Variants in IL15 observed in about 807,000 individuals in gnomAD.
IL15 encodes the protein interleukin-15.
In IL15, 11 loss-of-function variants were observed where a neutral mutation model predicts 19.6. The observed-to-expected ratio is 0.56, with a 90% CI of 0.35 to 0.93. IL15 has a LOEUF of 0.93. Among genes scored for constraint, IL15 ranks in the 40% least tolerant of loss-of-function variants. The pLI is 0.01. For missense variants in IL15, 197 were observed against 186.5 expected, an observed-to-expected ratio of 1.06 and a Z score of -0.33; for synonymous variants, 58 against 59.6, an observed-to-expected ratio of 0.97 and a Z score of 0.12.
intron 5 of IL15, among the ~76,000 whole-genome samples, chr4:141,725,686 T>C (rs1157692688): frequency 6.6e-6 from 1 of 152,158 alleles, no homozygotes; most frequent in African/African-American, 2.4e-5. Context: ...TCAAAAAGTC[T>C]AGAGCTACCA....
chr4:141,670,139 G>A (rs1728123346), intron 2 of IL15, among the ~76,000 whole-genome samples: 1 of 151,338 alleles, frequency 6.6e-6, no homozygotes, highest in South Asian at 2.1e-4. Flanking sequence ...ATGTTGATTA[G>A]GATTTAAGAA....
At chr4:141,732,638 C>T (rs1352150670) in intron 7 of IL15, 100 bp from the exon 8 acceptor site, 3 of 1,461,190 alleles carry the variant, frequency 2.1e-6, no homozygotes, top group Non-Finnish European at 2.8e-6. Context: ...TATCTCAAGA[C>T]CTCACCATAT....
At chr4:141,701,285 G>GC (rs1560927081) in intron 2 of IL15, among the ~76,000 whole-genome samples, 4 of 143,858 alleles carry the variant, frequency 2.8e-5, no homozygotes, top group African/African-American at 1.0e-4. Flanking sequence ...TGGGACTGAG[G>GC]TTTTTTTTTT....
intron 2 of IL15, among the ~76,000 whole-genome samples, chr4:141,703,599 A>C (rs1038171563): frequency 2.0e-5 from 3 of 152,054 alleles, no homozygotes; most frequent in South Asian, 2.1e-4. Flanking sequence ...TCCCCGTCTC[A>C]TACTCTGGGA....
Position 141,647,283 on chromosome 4 carries a change from C to T in IL15, c.-221-8903C>T, listed in dbSNP as rs534760726. Among the ~76,000 whole-genome samples the T allele has an allele frequency of 2.3e-4, 35 of 152,114 alleles. 1 individual carries two copies. In the South Asian group the frequency reaches 6.8e-3, roughly 30 times the overall value. On this transcript the variant is annotated intron_variant, in intron 1 of 7. Transcript: ENST00000320650. ...ACATGTTAGGAACAGATATATATTA[C>T]AGCTAACACATGGGGCAAGGTAGGG...
At chr4:141,665,508 T>C (rs1411114614) in intron 2 of IL15, among the ~76,000 whole-genome samples, 1 of 152,170 alleles carries the variant, frequency 6.6e-6, no homozygotes, top group African/African-American at 2.4e-5. Context: ...AACTTACGGA[T>C]CATAGTGTCA....
chr4:141,723,635 G>C (rs1458927378), intron 5 of IL15, among the ~76,000 whole-genome samples: 1 of 152,148 alleles, frequency 6.6e-6, no homozygotes, highest in Non-Finnish European at 1.5e-5. Flanking sequence ...AGCAGCTCTA[G>C]ACTGATACAC....
chr4:141,720,602 C>A, intron 4 of IL15, 36 bp downstream of exon 4: 1 of 1,035,796 alleles, frequency 9.7e-7, no homozygotes, highest in Non-Finnish European at 1.5e-6. Context: ...ACATTATGTT[C>A]ATGGTCATGA....
intron 2 of IL15, among the ~76,000 whole-genome samples, chr4:141,681,033 C>T (rs969180180): frequency 9.2e-5 from 14 of 152,162 alleles, no homozygotes; most frequent in African/African-American, 3.4e-4. Context: ...TGTATCCTTA[C>T]CTGCTGACGT....
rs527255178 is a variant in IL15 at position 141,636,765 on chromosome 4, C to T, written c.-222+17C>T. 1 of 152,196 alleles carries T rather than the reference C, an allele frequency of 6.6e-6. No individual in the cohort carries two copies. Among genetic ancestry groups the T allele is most frequent in the South Asian group, 2.1e-4 (1 of 4,802 alleles). The allele number at this position is 152,196 out of a possible 1,614,324, so 9.4% of individuals were successfully genotyped here. ...TCGATGGAGGTACAGAGCTCGGCTT[C>T]TTTGCCTTGGGAGGGGAGTGGTGGT... is the stretch of plus-strand genomic sequence containing the variant. On this transcript the variant is annotated intron_variant, in intron 1 of 7. Transcript: ENST00000320650.
At position 141,695,684 on chromosome 4, in the gene IL15, C is replaced by A. The variant is rs192310146; in HGVS notation, c.-99-23682C>A. ...TTTCTCTAATGGCTGTGCTAGTTAACAATCTAACCAACAGTGCATAAGTTG... is the reference window on the plus strand; with the variant it reads ...TTTCTCTAATGGCTGTGCTAGTTAAAAATCTAACCAACAGTGCATAAGTTG... On this transcript the variant is annotated intron_variant, in intron 2 of 7. Transcript: ENST00000320650. Among the ~76,000 whole-genome samples, 512 of 152,202 alleles carry A rather than the reference C, an allele frequency of 3.4e-3. 1 individual carries two copies. Among genetic ancestry groups the A allele is most frequent in the Middle Eastern group, 6.8e-3 (2 of 294 alleles).
chr4:141,665,865 C>T (rs1727954059), intron 2 of IL15, among the ~76,000 whole-genome samples: 1 of 152,010 alleles, frequency 6.6e-6, no homozygotes, highest in South Asian at 2.1e-4. Flanking sequence ...TCTCATAACT[C>T]CCATAGACCT....
At chr4:141,662,200 G>T (rs1727814426) in intron 2 of IL15, among the ~76,000 whole-genome samples, 1 of 152,356 alleles carries the variant, frequency 6.6e-6, no homozygotes, top group South Asian at 2.1e-4. Context: ...GCACCTTAGA[G>T]AACAGGTAGG....
chr4:141,677,932 C>T (rs1382969348), intron 2 of IL15, among the ~76,000 whole-genome samples: 1 of 152,138 alleles, frequency 6.6e-6, no homozygotes, highest in African/African-American at 2.4e-5. Context: ...TATCATATTG[C>T]TCAAAACAGT....
chr4:141,685,868 A>G (rs1029403023), intron 2 of IL15, among the ~76,000 whole-genome samples: 2 of 152,164 alleles, frequency 1.3e-5, no homozygotes, highest in African/African-American at 4.8e-5. Context: ...ACATTTAAAA[A>G]TATCTTTGTA....
chr4:141,656,705 T>G (rs1727616170), intron 2 of IL15, among the ~76,000 whole-genome samples: 1 of 152,216 alleles, frequency 6.6e-6, no homozygotes, highest in Admixed American at 6.5e-5. Flanking sequence ...TTTGATAGTT[T>G]GTCAATTCTA....
At chr4:141,699,383 T>C (rs1729206051) in intron 2 of IL15, among the ~76,000 whole-genome samples, 1 of 152,216 alleles carries the variant, frequency 6.6e-6, no homozygotes, top group African/African-American at 2.4e-5. Flanking sequence ...TATTTCTTTG[T>C]TGACTTTCTA....
At chr4:141,695,704 A>G (rs1360894400) in intron 2 of IL15, among the ~76,000 whole-genome samples, 3 of 152,046 alleles carry the variant, frequency 2.0e-5, no homozygotes, top group East Asian at 3.8e-4. Flanking sequence ...AACAGTGCAT[A>G]AGTTGTGGCC....
At chr4:141,642,711 A>G (rs1727092257) in intron 1 of IL15, among the ~76,000 whole-genome samples, 1 of 152,188 alleles carries the variant, frequency 6.6e-6, no homozygotes, top group South Asian at 2.1e-4. Context: ...GGTCCTGCTC[A>G]AAATGTTAAC....
Sources: allele counts gnomAD v4.1 joint callset (sites outside exome capture counted in the v4.1 genomes callset), GRCh38; gene constraint gnomAD v4.1.1; transcripts MANE v1.5; gene names NCBI Gene and HGNC (gene_info 2026-07-23, HGNC 2026-07-21).